STXBP5L: variants seen among roughly 807,000 people sequenced by gnomAD.
The protein encoded by STXBP5L is syntaxin binding protein 5L, also known as syntaxin-binding protein 5-like.
A neutral mutation model predicts 144.5 loss-of-function variants in STXBP5L; 65 were observed. The observed-to-expected ratio is 0.45, with a 90% CI of 0.37 to 0.55. The LOEUF is 0.55. Among genes scored for constraint, STXBP5L ranks in the 20% least tolerant of loss-of-function variants. STXBP5L has a pLI of 0.00. For missense variants in STXBP5L, 1,298 were observed against 1,405.5 expected (o/e 0.92, Z 1.22); for synonymous variants, 505 against 469.6 (o/e 1.08, Z -0.97).
intron 2 of STXBP5L, among the ~76,000 whole-genome samples, chr3:120,920,088 TTTTGGTACAA>T (rs1252260514): frequency 6.6e-6 from 1 of 151,852 alleles, no homozygotes; most frequent in African/African-American, 2.4e-5. Flanking sequence ...AATATATTTC[TTTTGGTACAA>T]TTTCATTTCC....
chr3:120,965,555 G>A (rs1939461918), intron 3 of STXBP5L, among the ~76,000 whole-genome samples: 1 of 152,146 alleles, frequency 6.6e-6, no homozygotes, highest in Non-Finnish European at 1.5e-5. Context: ...GGCTGGATAT[G>A]ATATTCTCCA....
At chr3:121,002,488 C>T (rs1304155538) in intron 3 of STXBP5L, among the ~76,000 whole-genome samples, 4 of 152,098 alleles carry the variant, frequency 2.6e-5, no homozygotes, top group Admixed American at 2.6e-4. Context: ...TGCTAATCTT[C>T]AGTGGCCTTT....
rs1392060005 is a variant in STXBP5L at position 121,011,908 on chromosome 3, AG to A, written c.288-29791del. Among the ~76,000 whole-genome samples, 20 of 151,870 alleles carry A rather than the reference AG, an allele frequency of 1.3e-4. No individual in the cohort carries two copies. The Admixed American group carries it at 1.3e-3, about 10-fold the overall frequency. On this transcript the variant is annotated intron_variant, in intron 3 of 26. Coordinates refer to ENST00000471454, the MANE Select transcript of STXBP5L (RefSeq NM_001308330.2). ...TGCAATAATTACTACAGTGAATTTT[AG>A]AACATTTCCATCACTCCAGAAAGAA...
At chr3:121,347,981 C>A (rs2045077132) in intron 20 of STXBP5L, among the ~76,000 whole-genome samples, 1 of 152,202 alleles carries the variant, frequency 6.6e-6, no homozygotes, top group Non-Finnish European at 1.5e-5. Context: ...CTGGCCAGAA[C>A]TTCCAACACT....
At chr3:120,930,384 G>C (rs961014246) in intron 2 of STXBP5L, among the ~76,000 whole-genome samples, 4 of 151,492 alleles carry the variant, frequency 2.6e-5, no homozygotes, top group African/African-American at 7.3e-5. Flanking sequence ...GATGTGTTTT[G>C]GCTGTGTTTT....
At chr3:121,093,350 C>A (rs946890253) in intron 5 of STXBP5L, among the ~76,000 whole-genome samples, 7 of 152,120 alleles carry the variant, frequency 4.6e-5, no homozygotes, top group Non-Finnish European at 8.8e-5. Context: ...AGGAATGGTA[C>A]CAGTTCCTCC....
intron 2 of STXBP5L, among the ~76,000 whole-genome samples, chr3:120,919,682 T>C (rs1010592155): frequency 6.6e-6 from 1 of 151,950 alleles, no homozygotes; most frequent in Admixed American, 6.6e-5. Flanking sequence ...AGTTACTTAT[T>C]ATTTAAACAT....
intron 18 of STXBP5L, among the ~76,000 whole-genome samples, chr3:121,270,722 A>G (rs576009349): frequency 2.2e-4 from 34 of 152,048 alleles, no homozygotes; most frequent in Non-Finnish European, 2.8e-4. Context: ...CAAAGTGCTG[A>G]GATTACAGGC....
At chr3:121,328,709 C>T (rs1443462303) in intron 20 of STXBP5L, among the ~76,000 whole-genome samples, 1 of 151,962 alleles carries the variant, frequency 6.6e-6, no homozygotes, top group Non-Finnish European at 1.5e-5. Flanking sequence ...GAGATCGCAC[C>T]ACTGCACTCC....
intron 3 of STXBP5L, among the ~76,000 whole-genome samples, chr3:121,023,087 G>A (rs1945678575): frequency 6.6e-6 from 1 of 151,976 alleles, no homozygotes; most frequent in African/African-American, 2.4e-5. Context: ...CAAATCAGTA[G>A]CTCTTCTATA....
Position 121,356,540 on chromosome 3 carries a change from T to C in STXBP5L, c.2177-22176T>C, listed in dbSNP as rs117902641. ...TCCTTGTCTGCCCATTGCTAAGACT[T>C]TGGGAAAAGTACAGTATTTGGGTGG... On this transcript the variant is annotated intron_variant, in intron 20 of 26. Transcript: ENST00000471454. Among the ~76,000 whole-genome samples the C allele has an allele frequency of 1.3e-3, 191 of 152,356 alleles. 1 individual carries two copies. In the East Asian group the frequency reaches 0.029, roughly 23 times the overall value.
intron 5 of STXBP5L, among the ~76,000 whole-genome samples, chr3:121,068,503 C>A (rs1033204250): frequency 5.3e-5 from 8 of 151,824 alleles, no homozygotes; most frequent in African/African-American, 1.9e-4. Context: ...GAGGGATTAT[C>A]TTTAATAACT....
intron 3 of STXBP5L, among the ~76,000 whole-genome samples, chr3:121,027,682 G>A (rs1362308114): frequency 6.6e-6 from 1 of 151,916 alleles, no homozygotes; most frequent in Non-Finnish European, 1.5e-5. Context: ...TGTAGTTACG[G>A]TGAGCCCACC....
intron 15 of STXBP5L, among the ~76,000 whole-genome samples, chr3:121,253,033 G>T (rs1023900324): frequency 6.6e-6 from 1 of 152,138 alleles, no homozygotes; most frequent in African/African-American, 2.4e-5. Context: ...GGTTTTGGCT[G>T]TTAAGAATAA....
intron 3 of STXBP5L, among the ~76,000 whole-genome samples, chr3:120,996,012 A>AT (rs1345250632): frequency 6.6e-6 from 1 of 151,896 alleles, no homozygotes; most frequent in Non-Finnish European, 1.5e-5. Context: ...CCTGAAGGAT[A>AT]TTTTTTTCTG....
chr3:121,116,453 C>T (rs1451109395), intron 6 of STXBP5L, among the ~76,000 whole-genome samples: 2 of 152,062 alleles, frequency 1.3e-5, no homozygotes, highest in Admixed American at 1.3e-4. Flanking sequence ...CTTTCTCCCT[C>T]ATTAGATTAG....
Position 121,381,396 on chromosome 3 carries a change from T to A in STXBP5L, c.2451T>A (p.Phe817Leu). ...CAGCACTATACTTCATGGACTCCTT[T>A]GCACGGAAAAATGACTCTACCATCT... ...AITALYFMDS[F>L]ARKNDSTISP... Residue 817 changes from phenylalanine (F) to leucine (L), a missense_variant, in exon 22 of 27, where the codon TTT becomes TTA. By Grantham distance (22) the Phe-to-Leu change is conservative. Coordinates refer to ENST00000471454, the MANE Select transcript of STXBP5L (RefSeq NM_001308330.2). The A allele has an allele frequency of 1.2e-6, 2 of 1,611,352 alleles. No individual in the cohort carries two copies. Among genetic ancestry groups the A allele is most frequent in the Non-Finnish European group, 1.7e-6 (2 of 1,178,986 alleles).
At chr3:120,942,552 A>T (rs896889754) in intron 2 of STXBP5L, among the ~76,000 whole-genome samples, 1 of 151,614 alleles carries the variant, frequency 6.6e-6, no homozygotes, top group Non-Finnish European at 1.5e-5. Flanking sequence ...CTTCAAATTT[A>T]CAACTAGAAA....
chr3:121,068,022 C>A (rs555221801), intron 5 of STXBP5L, among the ~76,000 whole-genome samples: 1 of 152,100 alleles, frequency 6.6e-6, no homozygotes, highest in South Asian at 2.1e-4. Flanking sequence ...GTCAATTTTT[C>A]TTTTTTGAGA....
Sources: allele counts gnomAD v4.1 joint callset (sites outside exome capture counted in the v4.1 genomes callset), GRCh38; gene constraint gnomAD v4.1.1; transcripts MANE v1.5; gene names NCBI Gene and HGNC (gene_info 2026-07-23, HGNC 2026-07-21).